The following SLC2A9 variants were observed in gnomAD, a reference collection of about 807,000 sequenced individuals.
SLC2A9 encodes solute carrier family 2, facilitated glucose transporter member 9.
In SLC2A9, 39 loss-of-function variants were observed where a neutral mutation model predicts 50.6. The ratio of observed to expected loss-of-function variants is 0.77; its 90% CI spans 0.60 to 1.01. The LOEUF (loss-of-function observed/expected upper bound fraction) is 1.01. SLC2A9 is among the 50% of genes least tolerant of loss of function. SLC2A9 has a pLI of 0.00. For synonymous variants in SLC2A9, 324 were observed against 276.9 expected (o/e 1.17, Z -1.69); for missense variants, 686 against 677.6 (o/e 1.01, Z -0.14).
intron 9 of SLC2A9, among the ~76,000 whole-genome samples, chr4:9,888,233 G>T (rs371412238): frequency 6.7e-6 from 1 of 150,336 alleles, no homozygotes; most frequent in African/African-American, 2.5e-5. Flanking sequence ...AAACCTGCAC[G>T]TTCTGCACAT....
chr4:10,025,371 T>TA (rs973174266), upstream of SLC2A9, among the ~76,000 whole-genome samples: 1 of 152,118 alleles, frequency 6.6e-6, no homozygotes, highest in African/African-American at 2.4e-5. Context: ...GAGAACCATG[T>TA]AAAGAGTCTC....
At chr4:9,993,543 G>C (rs1758075271) in intron 3 of SLC2A9, among the ~76,000 whole-genome samples, 1 of 152,092 alleles carries the variant, frequency 6.6e-6, no homozygotes, top group Non-Finnish European at 1.5e-5. Flanking sequence ...ATGTCATCGT[G>C]AACTAAGTAA....
chr4:9,782,443 C>T (rs368255650), intron 3 of SLC2A9: 2 of 1,614,000 alleles, frequency 1.2e-6, no homozygotes, highest in Non-Finnish European at 1.7e-6. Context: ...GCGTGGACCG[C>T]TACTGGGCCA....
intron 10 of SLC2A9, among the ~76,000 whole-genome samples, chr4:9,873,750 C>CA (rs1156829084): frequency 6.6e-6 from 1 of 152,176 alleles, no homozygotes; most frequent in Non-Finnish European, 1.5e-5. Flanking sequence ...GCCAGAAGAG[C>CA]AAAACTGCCA....
chr4:9,773,333 C>T (rs529787994), intron 1 of SLC2A9, among the ~76,000 whole-genome samples: 3 of 152,268 alleles, frequency 2.0e-5, no homozygotes, highest in South Asian at 4.2e-4. Context: ...GGGAGCTCAG[C>T]TTGTATCCTG....
chr4:9,879,970 T>A, intron 10 of SLC2A9: 5 of 985,486 alleles, frequency 5.1e-6, no homozygotes, highest in Non-Finnish European at 6.0e-6. Context: ...TACATCGACC[T>A]GTTCCTCACA....
At chr4:10,038,110 C>G (rs1473271766) in intron 1 of SLC2A9, among the ~76,000 whole-genome samples, 5 of 152,150 alleles carry the variant, frequency 3.3e-5, no homozygotes. Flanking sequence ...CTCTGGGCCT[C>G]TTTCTTGCTT....
At chr4:10,025,875 A>G, upstream of SLC2A9, 1 of 1,593,660 alleles carries the variant, frequency 6.3e-7, no homozygotes, top group Non-Finnish European at 8.5e-7. Context: ...ATAATCATGT[A>G]AGGGAGACAG....
At chr4:9,925,683 G>C (rs1463356750) in intron 6 of SLC2A9, among the ~76,000 whole-genome samples, 1 of 152,152 alleles carries the variant, frequency 6.6e-6, no homozygotes, top group East Asian at 1.9e-4. Flanking sequence ...CCTCTCTGTT[G>C]AGCCTTGCAT....
chr4:9,929,863 AG>A (rs1380842254), intron 6 of SLC2A9, among the ~76,000 whole-genome samples: 1 of 152,176 alleles, frequency 6.6e-6, no homozygotes, highest in Non-Finnish European at 1.5e-5. Context: ...GTTCGAGACC[AG>A]GGTGTCCGCA....
At chr4:9,826,847 T>C (rs145606445) in intron 11 of SLC2A9, among the ~76,000 whole-genome samples, 1 of 152,314 alleles carries the variant, frequency 6.6e-6, no homozygotes, top group Admixed American at 6.5e-5. Context: ...TTGTTGTTGT[T>C]GCAAATTTGG....
chr4:9,879,835 C>G, intron 10 of SLC2A9: 1 of 985,442 alleles, frequency 1.0e-6, no homozygotes, highest in Non-Finnish European at 1.2e-6. Flanking sequence ...TATTTTGCCT[C>G]ATTTATTAGA....
downstream of SLC2A9, among the ~76,000 whole-genome samples, chr4:9,775,528 G>A (rs1717432951): frequency 6.6e-6 from 1 of 152,088 alleles, no homozygotes; most frequent in Non-Finnish European, 1.5e-5. Flanking sequence ...GGGGCCTGGT[G>A]GGAGTTGTTT....
chr4:9,919,830 G>T (rs962837978), intron 7 of SLC2A9, among the ~76,000 whole-genome samples: 4 of 152,202 alleles, frequency 2.6e-5, no homozygotes, highest in Non-Finnish European at 4.4e-5. Flanking sequence ...TCTCCAACTG[G>T]GAATTCCACC....
chr4:9,862,895 C>T (rs184107435), intron 10 of SLC2A9, among the ~76,000 whole-genome samples: 1 of 152,122 alleles, frequency 6.6e-6, no homozygotes, highest in African/African-American at 2.4e-5. Context: ...GTGCCTGGAT[C>T]AACATAAGAA....
chr4:9,875,651 G>T (rs1352170929), intron 10 of SLC2A9, among the ~76,000 whole-genome samples: 1 of 152,174 alleles, frequency 6.6e-6, no homozygotes, highest in Admixed American at 6.5e-5. Flanking sequence ...AAGTGGAATT[G>T]TGGTTCACTG....
At chr4:9,980,836 TTAA>T in intron 4 of SLC2A9, 99 bp from the exon 5 acceptor site, 1 of 1,504,176 alleles carries the variant, frequency 6.6e-7, no homozygotes, top group Non-Finnish European at 9.2e-7. Context: ...GCCCTGGACA[TTAA>T]ATAGCACTGT....
At chr4:9,820,030 G>C (rs1328404387) in intron 3 of SLC2A9, among the ~76,000 whole-genome samples, 1 of 152,230 alleles carries the variant, frequency 6.6e-6, no homozygotes, top group Non-Finnish European at 1.5e-5. Context: ...TTTATGGATT[G>C]TGTTTTGGTG....
downstream of SLC2A9, among the ~76,000 whole-genome samples, chr4:9,824,937 A>G (rs879933794): frequency 2.0e-5 from 3 of 152,202 alleles, no homozygotes; most frequent in Admixed American, 6.5e-5. Context: ...TGAGTTGGCA[A>G]TTAACCAAAG....
Sources: allele counts gnomAD v4.1 joint callset (sites outside exome capture counted in the v4.1 genomes callset), GRCh38; gene constraint gnomAD v4.1.1; transcripts MANE v1.5; gene names NCBI Gene and HGNC (gene_info 2026-07-23, HGNC 2026-07-21).